Variants in LRRC41 observed in about 807,000 individuals in gnomAD.
The protein encoded by LRRC41 is leucine rich repeat containing 41.
LRRC41 carries 17 observed loss-of-function variants against 72.1 expected under a neutral mutation model. The observed-to-expected ratio is 0.24, with a 90% CI of 0.16 to 0.35. The LOEUF is 0.35. Among genes scored for constraint, LRRC41 ranks in the 10% least tolerant of loss-of-function variants. LRRC41 has a pLI of 1.00. For missense variants in LRRC41, 759 were observed against 1,065.0 expected, an observed-to-expected ratio of 0.71 and a Z score of 4.00; for synonymous variants, 427 against 431.0, an observed-to-expected ratio of 0.99 and a Z score of 0.11.
rs943598307 is a variant in LRRC41 at position 46,278,771 on chromosome 1, A to AAGAT, written c.*90_*93dup. ...AGAGAAAAAAGGTGACAGAAAGAGA[A>AAGAT]AGATAGAACTGGTGGTTGGGGTTCT... is the stretch of plus-strand genomic sequence containing the variant. On this transcript the variant is annotated 3_prime_UTR_variant, in exon 10 of 10. Coordinates refer to ENST00000617190, the MANE Select transcript of LRRC41 (RefSeq NM_006369.5). 9.9e-6 allele frequency: 12 copies of AAGAT among 1,215,234 alleles called. No individual in the cohort carries two copies. Among genetic ancestry groups the AAGAT allele is most frequent in the African/African-American group, 1.5e-5 (1 of 66,084 alleles). The allele number at this position is 1,215,234 out of a possible 1,614,324, so 75.3% of individuals were successfully genotyped here. A position where few individuals can be genotyped will look rare whatever the true frequency, so the allele number is the denominator to read the frequency against.
chr1:46,289,533 G>A (rs948645376), intron 3 of LRRC41, among the ~76,000 whole-genome samples: 4 of 149,318 alleles, frequency 2.7e-5, no homozygotes, highest in East Asian at 4.0e-4. Context: ...AGGCCGAGGC[G>A]GGGGGGATCA....
In LRRC41 at chr1:46,302,921, G is replaced by A. The variant is rs1569673461; in HGVS notation, c.199+203C>T. On this transcript the variant is annotated intron_variant, in intron 1 of 9. Transcript: ENST00000617190. The surrounding 1 kb of genome is among the most constrained non-coding windows in gnomAD (Gnocchi z 4.7). ...GCGCCCCCGAGCCAGGCCGCGGTGC[G>A]GGTCAGCCTGCCCATTTAGGTCTCC... The A allele has an allele frequency of 3.1e-6, 3 of 981,206 alleles. No individual in the cohort carries two copies. The highest frequency in any genetic ancestry group is 2.3e-4 in the East Asian group (2 of 8,608). 60.8% of individuals were successfully genotyped at this position (981,206 alleles called of 1,614,324 possible). A position where few individuals can be genotyped will look rare whatever the true frequency, so the allele number is the denominator to read the frequency against.
chr1:46,298,007 A>G (rs990305177), intron 2 of LRRC41, among the ~76,000 whole-genome samples: 2 of 152,204 alleles, frequency 1.3e-5, no homozygotes, highest in Admixed American at 6.5e-5. Flanking sequence ...GAAGCTTGGT[A>G]AAATAGAGAA....
At chr1:46,280,992 G>A (rs1660762001) in intron 5 of LRRC41, 133 bp downstream of exon 5, 4 of 1,251,578 alleles carry the variant, frequency 3.2e-6, no homozygotes, top group Non-Finnish European at 3.3e-6. Flanking sequence ...GCTCTAAAGG[G>A]GGGATAGGTT....
Position 46,281,186 on chromosome 1 carries a change from G to A in LRRC41, c.1695C>T (p.Asn565=), listed in dbSNP as rs1660767268. 2 of 1,614,072 alleles carry A rather than the reference G, an allele frequency of 1.2e-6. No homozygotes were observed. The highest frequency in any genetic ancestry group is 1.7e-6 in the Non-Finnish European group (2 of 1,180,032). Reference sequence around the variant, plus strand: ...GCCCTGCATTCCCTGGCACACCAGGGTTGTCCCGCTGGCTTGGGTGGTCAA... The same window carrying A: ...GCCCTGCATTCCCTGGCACACCAGGATTGTCCCGCTGGCTTGGGTGGTCAA... ...IRVDHPSQRD[N]PGVPGNAGPP... is the part of the protein sequence containing the mutation. Residue 565 remains asparagine, a synonymous_variant, in exon 5 of 10, where the codon AAC becomes AAT. Coordinates refer to ENST00000617190, the MANE Select transcript of LRRC41 (RefSeq NM_006369.5).
chr1:46,303,337 C>A lies in LRRC41; in HGVS notation c.-15G>T. The A allele has an allele frequency of 1.3e-6, 2 of 1,502,942 alleles. No individual in the cohort carries two copies. The highest frequency in any genetic ancestry group is 8.9e-7 in the Non-Finnish European group (1 of 1,129,866). 93.1% of individuals were successfully genotyped at this position (1,502,942 alleles called of 1,614,324 possible). Reference sequence around the variant, plus strand: ...GGCGCCGCCATCTTGGGGAGGTGCGCGAGCCCGAGAGTGTCGCCCGCGGAC... The same window carrying A: ...GGCGCCGCCATCTTGGGGAGGTGCGAGAGCCCGAGAGTGTCGCCCGCGGAC... On this transcript the variant is annotated 5_prime_UTR_variant, in exon 1 of 10. Coordinates refer to ENST00000617190, the MANE Select transcript of LRRC41 (RefSeq NM_006369.5).
At chr1:46,293,833 G>A (rs1039148374) in intron 3 of LRRC41, among the ~76,000 whole-genome samples, 2 of 151,778 alleles carry the variant, frequency 1.3e-5, no homozygotes, top group Non-Finnish European at 2.9e-5. Context: ...GTGCCATCTC[G>A]GCTCATTTTA....
Position 46,278,447 on chromosome 1 carries a change from A to T in LRRC41, c.*418T>A, listed in dbSNP as rs1660690922. On this transcript the variant is annotated 3_prime_UTR_variant, in exon 10 of 10. Transcript: ENST00000617190. ...TTATAAGAAAAACTTTTTTGGTTAA[A>T]AAAAAGAATAAAGGTATGAAAGGGT... The T allele has an allele frequency of 1.2e-6, 1 of 860,928 alleles. No individual in the cohort carries two copies. The highest frequency in any genetic ancestry group is 2.4e-5 in the Admixed American group (1 of 42,544). 53.3% of individuals were successfully genotyped at this position (860,928 alleles called of 1,614,324 possible). A position where few individuals can be genotyped will look rare whatever the true frequency, so the allele number is the denominator to read the frequency against.
At position 46,302,200 on chromosome 1, in the gene LRRC41, G is replaced by C; in HGVS notation, c.199+924C>G. The C allele has an allele frequency of 1.0e-6, 1 of 985,340 alleles. No individual in the cohort carries two copies. 61.0% of individuals were successfully genotyped at this position (985,340 alleles called of 1,614,324 possible). ...TGGGGCCCCCGTTCACTCCCATTCAGCCCAAGGCCTCTTGGCGGCGCCGCG... is the reference window on the plus strand; with the variant it reads ...TGGGGCCCCCGTTCACTCCCATTCACCCCAAGGCCTCTTGGCGGCGCCGCG... On this transcript the variant is annotated intron_variant, in intron 1 of 9. Transcript: ENST00000617190. The surrounding 1 kb of genome is among the most constrained non-coding windows in gnomAD (Gnocchi z 4.7).
chr1:46,280,560 T>C lies in LRRC41; in HGVS notation c.1757A>G (p.Glu586Gly), dbSNP rs1446346617. The change falls in exon 6 of 10, where the codon GAA (glutamate) becomes GGA (glycine). Residue 586 changes from glutamate (E) to glycine (G), a missense_variant and splice_region_variant. By Grantham distance (98) the Glu-to-Gly change is moderately conservative (BLOSUM62 -2). Coordinates refer to ENST00000617190, the MANE Select transcript of LRRC41 (RefSeq NM_006369.5). ...SHIIGDEEIPENCLEQLEMGF... is the reference protein window; with the variant it reads ...SHIIGDEEIPGNCLEQLEMGF... Reference sequence around the variant, plus strand: ...CATCTCCAACTGCTCCAGGCAGTTTTCTGGATATGGTGGGGAAAGAAGATT... The same window carrying C: ...CATCTCCAACTGCTCCAGGCAGTTTCCTGGATATGGTGGGGAAAGAAGATT... The C allele has an allele frequency of 1.9e-6, 3 of 1,613,452 alleles. No homozygotes were observed. The Admixed American group carries it at 5.0e-5, about 27-fold the overall frequency.
intron 4 of LRRC41, among the ~76,000 whole-genome samples, chr1:46,283,613 G>A (rs1200455069): frequency 6.6e-6 from 1 of 152,136 alleles, no homozygotes; most frequent in Non-Finnish European, 1.5e-5. Context: ...AGCATAGTTG[G>A]CCTTTGAAAC....
Position 46,278,469 on chromosome 1 carries a change from G to C in LRRC41, c.*396C>G, listed in dbSNP as rs1247462923. On this transcript the variant is annotated 3_prime_UTR_variant, in exon 10 of 10. Coordinates refer to ENST00000617190, the MANE Select transcript of LRRC41 (RefSeq NM_006369.5). Reference sequence around the variant, plus strand: ...TAAAAAAAAGAATAAAGGTATGAAAGGGTTTGAGGCCTGAGAGCAGTGTGG... The same window carrying C: ...TAAAAAAAAGAATAAAGGTATGAAACGGTTTGAGGCCTGAGAGCAGTGTGG... 2 of 745,986 alleles carry C rather than the reference G, an allele frequency of 2.7e-6. No homozygotes were observed. Among genetic ancestry groups the C allele is most frequent in the African/African-American group, 3.5e-5 (2 of 56,788 alleles). The allele number at this position is 745,986 out of a possible 1,614,324, so 46.2% of individuals were successfully genotyped here. A position where few individuals can be genotyped will look rare whatever the true frequency, so the allele number is the denominator to read the frequency against.
At chr1:46,301,979 A>ACTTT in intron 1 of LRRC41, 1 of 984,988 alleles carries the variant, frequency 1.0e-6, no homozygotes, top group Non-Finnish European at 1.2e-6. Flanking sequence ...GCAGAGCCTC[A>ACTTT]CTTTCCCCTC....
chr1:46,285,158 G>A lies in LRRC41; in HGVS notation c.1495+204C>T, dbSNP rs1660858532. On this transcript the variant is annotated intron_variant, in intron 4 of 9. Coordinates refer to ENST00000617190, the MANE Select transcript of LRRC41 (RefSeq NM_006369.5). The surrounding 1 kb of genome is among the most constrained non-coding windows in gnomAD (Gnocchi z 5.3). Reference sequence around the variant, plus strand: ...GTCTCACTGCCCCTCAGGAACCCCTGCTTTCAACAACTAATCAAGTGTATA... The same window carrying A: ...GTCTCACTGCCCCTCAGGAACCCCTACTTTCAACAACTAATCAAGTGTATA... The A allele has an allele frequency of 1.7e-6, 1 of 599,288 alleles. No individual in the cohort carries two copies. The highest frequency in any genetic ancestry group is 2.8e-5 in the East Asian group (1 of 35,488). The allele number at this position is 599,288 out of a possible 1,614,324, so 37.1% of individuals were successfully genotyped here.
Position 46,290,935 on chromosome 1 carries a change from T to TG in LRRC41, c.358-4437_358-4436insC, listed in dbSNP as rs1188372889. Among the ~76,000 whole-genome samples, 213 of 147,516 alleles carry TG rather than the reference T, an allele frequency of 1.4e-3. 1 individual carries two copies. Among genetic ancestry groups the TG allele is most frequent in the African/African-American group, 3.4e-3 (136 of 40,336 alleles). On this transcript the variant is annotated intron_variant, in intron 3 of 9. Coordinates refer to ENST00000617190, the MANE Select transcript of LRRC41 (RefSeq NM_006369.5). ...TTTCTAGTTTTTTTTTTTTTTTTTT[T>TG]TTTTTTTTTAAGACATTCCTGCTCT...
In LRRC41 at chr1:46,302,738, G is replaced by A. The variant is rs1191158523; in HGVS notation, c.199+386C>T. 1.0e-6 allele frequency: 1 copy of A among 984,866 alleles called. No individual in the cohort carries two copies. Among genetic ancestry groups the A allele is most frequent in the African/African-American group, 1.8e-5 (1 of 57,142 alleles). The allele number at this position is 984,866 out of a possible 1,614,324, so 61.0% of individuals were successfully genotyped here. Reference sequence around the variant, plus strand: ...CCTCCTAACCTCGGCCCCTGCCCTAGGGCAGCCGGGCCATCGCTGCCCACC... The same window carrying A: ...CCTCCTAACCTCGGCCCCTGCCCTAAGGCAGCCGGGCCATCGCTGCCCACC... On this transcript the variant is annotated intron_variant, in intron 1 of 9. Transcript: ENST00000617190. This position sits in a 1 kb window ranked among gnomAD's most constrained non-coding sequence, Gnocchi z 4.7.
intron 5 of LRRC41, 129 bp from the exon 6 acceptor site, chr1:46,280,689 C>T: frequency 1.2e-6 from 1 of 855,808 alleles, no homozygotes; most frequent in East Asian, 2.6e-5. Context: ...GAGTGCCTAC[C>T]ATATGTCAGC....
At position 46,303,383 on chromosome 1, in the gene LRRC41, C is replaced by G; in HGVS notation, c.-61G>C. ...CGGACCGCCATCTTGAAAAGGTCAGCAGTTAGGACGGCTCCATAAGCGATA... is the reference window on the plus strand; with the variant it reads ...CGGACCGCCATCTTGAAAAGGTCAGGAGTTAGGACGGCTCCATAAGCGATA... On this transcript the variant is annotated 5_prime_UTR_variant, in exon 1 of 10. Coordinates refer to ENST00000617190, the MANE Select transcript of LRRC41 (RefSeq NM_006369.5). 1 of 1,406,468 alleles carries G rather than the reference C, an allele frequency of 7.1e-7. No homozygotes were observed. The highest frequency in any genetic ancestry group is 9.4e-7 in the Non-Finnish European group (1 of 1,065,484). 87.1% of individuals were successfully genotyped at this position (1,406,468 alleles called of 1,614,324 possible).
rs1223976520 is a variant in LRRC41, at chr1:46,277,596, G to C, written c.*1269C>G. On this transcript the variant is annotated 3_prime_UTR_variant, in exon 10 of 10. Transcript: ENST00000617190. The stretch of plus-strand genomic sequence containing the variant: ...GGCCCTGGGACCCTTCATTAGTATA[G>C]AAAGTAGCCTGGGTGGGCAGACTAT... 3.3e-6 allele frequency: 2 copies of C among 597,628 alleles called. No individual in the cohort carries two copies. Among genetic ancestry groups the C allele is most frequent in the South Asian group, 2.0e-5 (1 of 51,006 alleles). 37.0% of individuals were successfully genotyped at this position (597,628 alleles called of 1,614,324 possible).
Sources: gnomAD v4.1 joint callset for allele counts (sites outside exome capture counted in the v4.1 genomes callset) on GRCh38, gnomAD v4.1.1 for gene constraint, Gnocchi (gnomAD v3.1) non-coding constraint, MANE v1.5 for transcripts, NCBI Gene and HGNC (gene_info 2026-07-23, HGNC 2026-07-21) for gene names.